MEIKIN: variants seen among roughly 807,000 people sequenced by gnomAD.
MEIKIN encodes meiotic kinetochore factor, also known as meiosis-specific kinetochore protein.
rs1034582087 is a variant in MEIKIN at position 131,933,599 on chromosome 5, T to C, written c.392A>G (p.Tyr131Cys). The part of the protein sequence containing the change: ...HHGMASSLLS[Y>C]SVTDSYAEYK... ...TTCTGCATAAGAGTCTGTGACTGAA[T>C]AGCTCAGAAGAGAACTGGCCATACC... is the stretch of plus-strand genomic sequence containing the variant. The change falls in exon 5 of 13, where the codon TAT becomes TGT. Residue 131 changes from tyrosine to cysteine, a missense_variant. Coordinates refer to ENST00000442687, the MANE Select transcript of MEIKIN (RefSeq NM_001303622.2). 1.0e-5 allele frequency: 4 copies of C among 398,854 alleles called. No homozygotes were observed. The highest frequency in any genetic ancestry group is 4.4e-5 in the Admixed American group (1 of 22,726). 24.7% of individuals were successfully genotyped at this position (398,854 alleles called of 1,614,324 possible).
intron 9 of MEIKIN, among the ~76,000 whole-genome samples, chr5:131,876,278 T>A (rs10055854): frequency 2.7e-4 from 41 of 150,926 alleles, no homozygotes; most frequent in African/African-American, 1.0e-3. Context: ...GAATCTACAA[T>A]GAACTCAAAC....
At chr5:131,873,223 GACC>G (rs1750540366) in intron 9 of MEIKIN, among the ~76,000 whole-genome samples, 1 of 152,142 alleles carries the variant, frequency 6.6e-6, no homozygotes, top group Non-Finnish European at 1.5e-5. Context: ...AACGAGTCAA[GACC>G]CATCAGTGTG....
chr5:131,902,760 A>C (rs1380895826), intron 8 of MEIKIN, among the ~76,000 whole-genome samples: 2 of 152,190 alleles, frequency 1.3e-5, no homozygotes, highest in Non-Finnish European at 2.9e-5. Flanking sequence ...CTTACCTCCC[A>C]AAAACCCCAC....
chr5:131,845,061 G>A (rs927707032), intron 11 of MEIKIN, among the ~76,000 whole-genome samples: 3 of 152,142 alleles, frequency 2.0e-5, no homozygotes, highest in East Asian at 1.9e-4. Context: ...ATGAGGTCAG[G>A]AGATCGAGAC....
At chr5:131,833,915 C>A (rs1290668558) in intron 11 of MEIKIN, among the ~76,000 whole-genome samples, 4 of 152,166 alleles carry the variant, frequency 2.6e-5, no homozygotes, top group Non-Finnish European at 5.9e-5. Flanking sequence ...TCCTTTGTTT[C>A]TACACAGATA....
chr5:131,857,005 G>A lies in MEIKIN; in HGVS notation c.775-2171C>T, dbSNP rs1187226760. 4.7e-5 allele frequency among the ~76,000 whole-genome samples: 7 copies of A among 150,450 alleles called. No individual in the cohort carries two copies. The South Asian group carries it at 1.1e-3, about 23-fold the overall frequency. On this transcript the variant is annotated intron_variant, in intron 9 of 12. Transcript: ENST00000442687. ...AAGTTTTAGGGTACATGTGCACAAC[G>A]TGCAGGTTAGTTACATATGTATACA...
chr5:131,898,923 C>A (rs759666785), intron 8 of MEIKIN, among the ~76,000 whole-genome samples: 1 of 152,170 alleles, frequency 6.6e-6, no homozygotes, highest in Non-Finnish European at 1.5e-5. Flanking sequence ...TTGCCTTCCA[C>A]GGGCTGTACC....
intron 11 of MEIKIN, among the ~76,000 whole-genome samples, chr5:131,829,622 T>C (rs534349961): frequency 6.6e-6 from 1 of 152,176 alleles, no homozygotes; most frequent in East Asian, 1.9e-4. Flanking sequence ...AAAACAAGTG[T>C]TATGGGTTGA....
chr5:131,905,543 A>C (rs1751230436), intron 8 of MEIKIN, among the ~76,000 whole-genome samples: 1 of 152,174 alleles, frequency 6.6e-6, no homozygotes, highest in Non-Finnish European at 1.5e-5. Context: ...CACTAGCTAG[A>C]TTAAGAAAAG....
At chr5:131,868,485 T>C (rs1195224767) in intron 9 of MEIKIN, among the ~76,000 whole-genome samples, 2 of 152,214 alleles carry the variant, frequency 1.3e-5, no homozygotes, top group Admixed American at 6.5e-5. Context: ...TTTAGTGAGG[T>C]GTCTGTTCAG....
intron 11 of MEIKIN, among the ~76,000 whole-genome samples, chr5:131,850,100 C>T (rs1019845693): frequency 4.0e-5 from 6 of 150,628 alleles, no homozygotes; most frequent in Non-Finnish European, 3.0e-5. Context: ...ATAATAGCAT[C>T]CAAAAGAATA....
rs948828232 is a variant in MEIKIN at position 131,806,993 on chromosome 5, G to T, written c.*243C>A. The T allele has an allele frequency of 1.9e-5, 6 of 321,594 alleles. No individual in the cohort carries two copies. The highest frequency in any genetic ancestry group is 4.8e-5 in the East Asian group (1 of 20,870). 19.9% of individuals were successfully genotyped at this position (321,594 alleles called of 1,614,324 possible). A position where few individuals can be genotyped will look rare whatever the true frequency, so the allele number is the denominator to read the frequency against. On this transcript the variant is annotated 3_prime_UTR_variant, in exon 13 of 13. Coordinates refer to ENST00000442687, the MANE Select transcript of MEIKIN (RefSeq NM_001303622.2). ...TACAGTCTTCTAATACCAATGATTT[G>T]GTTCTTTATCTTTTAATATAAATAC...
At chr5:131,831,401 T>A (rs894235109) in intron 11 of MEIKIN, among the ~76,000 whole-genome samples, 4 of 151,946 alleles carry the variant, frequency 2.6e-5, no homozygotes, top group Non-Finnish European at 5.9e-5. Context: ...AAAAAAAAAA[T>A]TAAAAATTAG....
chr5:131,890,992 A>G (rs1319151800), intron 8 of MEIKIN, among the ~76,000 whole-genome samples: 1 of 152,172 alleles, frequency 6.6e-6, no homozygotes, highest in Non-Finnish European at 1.5e-5. Context: ...GTCATTCAGG[A>G]GCAGGTTGTT....
At chr5:131,838,367 T>C (rs915677500) in intron 11 of MEIKIN, among the ~76,000 whole-genome samples, 12 of 152,210 alleles carry the variant, frequency 7.9e-5, no homozygotes, top group Non-Finnish European at 1.8e-4. Flanking sequence ...GCCGGCCTCA[T>C]AGAATAAGTT....
intron 9 of MEIKIN, among the ~76,000 whole-genome samples, chr5:131,869,815 A>C (rs1410374704): frequency 6.6e-6 from 1 of 152,166 alleles, no homozygotes; most frequent in African/African-American, 2.4e-5. Flanking sequence ...TACCCTGGCA[A>C]TGGTTCCCAT....
At chr5:131,901,180 C>T (rs1229629364) in intron 8 of MEIKIN, among the ~76,000 whole-genome samples, 3 of 152,156 alleles carry the variant, frequency 2.0e-5, no homozygotes, top group African/African-American at 7.2e-5. Context: ...AATGCACGCA[C>T]AGATGGCGTC....
intron 11 of MEIKIN, among the ~76,000 whole-genome samples, chr5:131,841,559 G>T (rs182724222): frequency 1.3e-5 from 2 of 152,260 alleles, no homozygotes; most frequent in Non-Finnish European, 1.5e-5. Context: ...TCTAAAGATT[G>T]CTTTGGCTAT....
At chr5:131,936,431 T>C (rs886277668) in intron 4 of MEIKIN, among the ~76,000 whole-genome samples, 4 of 152,226 alleles carry the variant, frequency 2.6e-5, no homozygotes, top group Non-Finnish European at 5.9e-5. Flanking sequence ...GTTTCTATTA[T>C]TATGACTATT....
Sources: allele counts gnomAD v4.1 joint callset (sites outside exome capture counted in the v4.1 genomes callset), GRCh38; gene constraint gnomAD v4.1.1; transcripts MANE v1.5; gene names NCBI Gene and HGNC (gene_info 2026-07-23, HGNC 2026-07-21).